The following WDR7 variants were observed in gnomAD, a reference collection of about 807,000 sequenced individuals.
WDR7 encodes WD repeat-containing protein 7.
Under a neutral mutation model 169.4 loss-of-function variants are expected in WDR7, and 46 were observed. The observed-to-expected ratio is 0.27, with a 90% CI of 0.21 to 0.35. WDR7 has a LOEUF of 0.35. Among genes scored for constraint, WDR7 ranks in the 10% least tolerant of loss-of-function variants. WDR7 has a pLI of 1.00. For missense variants in WDR7, 1,534 were observed against 1,859.3 expected (o/e 0.83, Z 3.22); for synonymous variants, 612 against 666.8 (o/e 0.92, Z 1.27).
intron 25 of WDR7, among the ~76,000 whole-genome samples, chr18:56,947,570 G>A (rs1393571632): frequency 1.3e-5 from 2 of 152,172 alleles, no homozygotes; most frequent in Non-Finnish European, 2.9e-5. Context: ...AAGTTGCCAC[G>A]TTACTGAACT....
chr18:56,782,710 T>A (rs925625352), intron 19 of WDR7, among the ~76,000 whole-genome samples: 1 of 152,156 alleles, frequency 6.6e-6, no homozygotes, highest in African/African-American at 2.4e-5. Context: ...TACATTATTA[T>A]ACAAGAAGGA....
chr18:56,807,682 A>G (rs1219246852), intron 19 of WDR7, among the ~76,000 whole-genome samples: 1 of 152,094 alleles, frequency 6.6e-6, no homozygotes, highest in Admixed American at 6.6e-5. Flanking sequence ...TCTAAAAAAA[A>G]AAAATACTAG....
chr18:56,793,819 G>A (rs2145126931), intron 19 of WDR7, among the ~76,000 whole-genome samples: 1 of 152,222 alleles, frequency 6.6e-6, no homozygotes, highest in Middle Eastern at 3.4e-3. Flanking sequence ...TTAGAAAGCG[G>A]GCTTACATCT....
chr18:56,694,816 A>G, intron 10 of WDR7, 56 bp downstream of exon 10: 1 of 1,547,658 alleles, frequency 6.5e-7, no homozygotes. Flanking sequence ...TTAAATACCA[A>G]CTACTGAATA....
At chr18:56,929,716 G>T (rs759576865) in intron 22 of WDR7, among the ~76,000 whole-genome samples, 19 of 152,164 alleles carry the variant, frequency 1.2e-4, no homozygotes, top group Non-Finnish European at 2.1e-4. Context: ...GGGATGGACT[G>T]TTCATTCATG....
intron 25 of WDR7, among the ~76,000 whole-genome samples, chr18:56,943,858 A>G (rs1021645363): frequency 1.3e-5 from 2 of 152,018 alleles, no homozygotes; most frequent in Non-Finnish European, 2.9e-5. Context: ...GAGTCCAAAG[A>G]TAAAATAGCA....
chr18:56,682,914 A>G, intron 5 of WDR7, 61 bp downstream of exon 5: 1 of 1,491,460 alleles, frequency 6.7e-7, no homozygotes, highest in South Asian at 1.2e-5. Flanking sequence ...GTTTACTAGA[A>G]CATTCTACAA....
At chr18:56,981,923 C>T (rs1360119638) in intron 26 of WDR7, among the ~76,000 whole-genome samples, 5 of 151,826 alleles carry the variant, frequency 3.3e-5, no homozygotes. Context: ...AACAACTGAC[C>T]CATGGTTTAC....
At chr18:56,740,046 C>T (rs913563696) in intron 14 of WDR7, among the ~76,000 whole-genome samples, 1 of 151,904 alleles carries the variant, frequency 6.6e-6, no homozygotes, top group Non-Finnish European at 1.5e-5. Context: ...AGACTGCCTC[C>T]TTTGCCCGTT....
intron 14 of WDR7, among the ~76,000 whole-genome samples, chr18:56,738,907 T>C (rs1209264182): frequency 6.6e-6 from 1 of 151,766 alleles, no homozygotes; most frequent in Non-Finnish European, 1.5e-5. Flanking sequence ...TTAACTCTTT[T>C]TTGGTAACTC....
chr18:56,922,554 A>G (rs1350006164), intron 21 of WDR7, among the ~76,000 whole-genome samples: 1 of 152,222 alleles, frequency 6.6e-6, no homozygotes, highest in East Asian at 1.9e-4. Flanking sequence ...CATACGAAAT[A>G]TGAATTTTGG....
At chr18:56,742,964 C>G (rs1021920956) in intron 14 of WDR7, among the ~76,000 whole-genome samples, 5 of 152,014 alleles carry the variant, frequency 3.3e-5, no homozygotes, top group African/African-American at 7.2e-5. Context: ...AGCTTCGTAA[C>G]CCTACTCTCA....
At chr18:56,991,010 A>G (rs1046009967) in intron 26 of WDR7, among the ~76,000 whole-genome samples, 22 of 152,306 alleles carry the variant, frequency 1.4e-4, no homozygotes, top group Admixed American at 1.4e-3. Context: ...CATTCCATTC[A>G]GTTCCCATTC....
rs74417743 is a variant in WDR7, at chr18:56,930,428, G to A, written c.3714-5360G>A. On this transcript the variant is annotated intron_variant, in intron 22 of 27. Transcript: ENST00000254442. ...GTTTCTGTGAAATTTATTCTTAACA[G>A]AAAATTTATAATCTGAGGAAGCCAT... Among the ~76,000 whole-genome samples, 42 of 152,118 alleles carry A rather than the reference G, an allele frequency of 2.8e-4. No individual in the cohort carries two copies. In the East Asian group the frequency reaches 6.4e-3, roughly 23 times the overall value.
chr18:57,022,495 A>G (rs1457870537), intron 27 of WDR7, among the ~76,000 whole-genome samples: 9 of 152,170 alleles, frequency 5.9e-5, no homozygotes, highest in Non-Finnish European at 7.3e-5. Context: ...AAACAAACAA[A>G]ACATCTCTTT....
At chr18:57,006,981 CTTT>C (rs780576391) in intron 26 of WDR7, among the ~76,000 whole-genome samples, 7 of 141,502 alleles carry the variant, frequency 4.9e-5, no homozygotes, top group Non-Finnish European at 3.1e-5. Context: ...TCTTTCCTAA[CTTT>C]TTTTTTTTTT....
At chr18:56,910,029 C>A (rs1185299251) in intron 21 of WDR7, among the ~76,000 whole-genome samples, 1 of 152,110 alleles carries the variant, frequency 6.6e-6, no homozygotes, top group African/African-American at 2.4e-5. Flanking sequence ...CAGACACACA[C>A]ACACCCTGCC....
In WDR7 at chr18:56,672,645, T is replaced by C; in HGVS notation, c.130T>C (p.Cys44Arg). ...IVTGCHDGQI[C>R]LWDLSVELQI... ...AACAGGATGTCACGACGGACAAATA[T>C]GTCTCTGGGATCTTTCAGTAGAACT... The change falls in exon 2 of 28, where the codon TGT (cysteine) becomes CGT (arginine). Residue 44 changes from cysteine (C) to arginine (R), a missense_variant. Coordinates refer to ENST00000254442, the MANE Select transcript of WDR7 (RefSeq NM_015285.3). The C allele has an allele frequency of 6.2e-7, 1 of 1,612,046 alleles. No homozygotes were observed. Among genetic ancestry groups the C allele is most frequent in the African/African-American group, 1.3e-5 (1 of 74,902 alleles).
chr18:56,939,260 G>T, intron 24 of WDR7, 51 bp from the exon 25 acceptor site: 1 of 1,352,670 alleles, frequency 7.4e-7, no homozygotes, highest in Non-Finnish European at 1.0e-6. Context: ...TTTACATTTT[G>T]GAAAATTAAG....
Sources: gnomAD v4.1 joint callset for allele counts (sites outside exome capture counted in the v4.1 genomes callset) on GRCh38, gnomAD v4.1.1 for gene constraint, MANE v1.5 for transcripts, NCBI Gene and HGNC (gene_info 2026-07-23, HGNC 2026-07-21) for gene names.